The following PCDHA1 variants were observed in gnomAD, a reference collection of about 807,000 sequenced individuals.
The protein encoded by PCDHA1 is protocadherin alpha 1, also known as protocadherin alpha-1.
A neutral mutation model predicts 61.3 loss-of-function variants in PCDHA1; 42 were observed. The ratio of observed to expected loss-of-function variants is 0.69; its 90% CI spans 0.54 to 0.89. The LOEUF (loss-of-function observed/expected upper bound fraction) is 0.89. Among genes scored for constraint, PCDHA1 ranks in the 40% least tolerant of loss-of-function variants. The pLI, the probability that PCDHA1 is intolerant of heterozygous loss-of-function variation, is 0.00. For missense variants in PCDHA1, 1,256 were observed against 1,235.3 expected, an observed-to-expected ratio of 1.02 and a Z score of -0.25; for synonymous variants, 610 against 553.8, an observed-to-expected ratio of 1.10 and a Z score of -1.43.
chr5:140,870,805 C>T, intron 1 of PCDHA1: 4 of 1,613,712 alleles, frequency 2.5e-6, no homozygotes, highest in Non-Finnish European at 3.4e-6. Flanking sequence ...GCTGGCGACT[C>T]AGGCTGGCAG....
intron 1 of PCDHA1, chr5:140,869,694 G>A (rs782372405): frequency 6.2e-7 from 1 of 1,613,394 alleles, no homozygotes; most frequent in Non-Finnish European, 8.5e-7. Flanking sequence ...TTATTTTAAA[G>A]AAGTCTCTGG....
At position 140,787,011 on chromosome 5, in the gene PCDHA1, C is replaced by A. The variant is rs782762735; in HGVS notation, c.721C>A (p.Leu241Met). ...CCTCGACGTTAATGATAACGCCCCACTGTTTGACCAGGCCGTATACAGAGT... is the reference window on the plus strand; with the variant it reads ...CCTCGACGTTAATGATAACGCCCCAATGTTTGACCAGGCCGTATACAGAGT... ...TVLDVNDNAPLFDQAVYRVHL... is the reference protein window; with the variant it reads ...TVLDVNDNAPMFDQAVYRVHL... Residue 241 changes from leucine to methionine, a missense_variant, in exon 1 of 4, where the codon CTG becomes ATG. Physicochemically the swap from Leu to Met is conservative, Grantham distance 15 (BLOSUM62 2). Transcript: ENST00000504120. 5.0e-6 allele frequency: 8 copies of A among 1,614,040 alleles called. No homozygotes were observed. The highest frequency in any genetic ancestry group is 6.8e-6 in the Non-Finnish European group (8 of 1,180,022).
intron 1 of PCDHA1, chr5:140,797,392 C>T (rs1198299170): frequency 1.3e-6 from 2 of 1,577,894 alleles, no homozygotes; most frequent in African/African-American, 2.7e-5. Flanking sequence ...TAAAATTGTT[C>T]TTTTTAAAAA....
chr5:140,858,117 C>A (rs1191323415), intron 1 of PCDHA1: 1 of 1,597,608 alleles, frequency 6.3e-7, no homozygotes, highest in African/African-American at 1.3e-5. Context: ...CCCGAGGTGG[C>A]CCTGGTGGAT....
At chr5:140,978,301 C>T (rs1554239160) in intron 1 of PCDHA1, among the ~76,000 whole-genome samples, 1 of 152,168 alleles carries the variant, frequency 6.6e-6, no homozygotes, top group Admixed American at 6.5e-5. Flanking sequence ...GGAAAGCACT[C>T]AGGAAGGAGC....
In PCDHA1 at chr5:140,902,128, A is replaced by G. The variant is rs140093707; in HGVS notation, c.2395-76821A>G. 5.8e-3 allele frequency among the ~76,000 whole-genome samples: 872 copies of G among 150,980 alleles called. 10 individuals carry two copies. The highest frequency in any genetic ancestry group is 0.019 in the African/African-American group (793 of 41,220). ...ATTTTTTTAAAACTGAGATTATATCATCTGCAAACAAGGATAATTTGATTT... is the reference window on the plus strand; with the variant it reads ...ATTTTTTTAAAACTGAGATTATATCGTCTGCAAACAAGGATAATTTGATTT... On this transcript the variant is annotated intron_variant, in intron 1 of 3. Coordinates refer to ENST00000504120, the MANE Select transcript of PCDHA1 (RefSeq NM_018900.4).
Position 140,786,795 on chromosome 5 carries a change from A to AC in PCDHA1, c.506dup (p.Tyr170ValfsTer7). On this transcript the variant is annotated frameshift_variant, in exon 1 of 4. Coordinates refer to ENST00000504120, the MANE Select transcript of PCDHA1 (RefSeq NM_018900.4). LOFTEE classifies it high-confidence loss of function. Reference sequence around the variant, plus strand: ...AGACATTGGTGCTAACGCTCTTCTAACGTACACGCTCAGCCCGAGTGATTA... The same window carrying AC: ...AGACATTGGTGCTAACGCTCTTCTAACCGTACACGCTCAGCCCGAGTGATTA... 1 of 1,614,238 alleles carries AC rather than the reference A, an allele frequency of 6.2e-7. No individual in the cohort carries two copies. Among genetic ancestry groups the AC allele is most frequent in the South Asian group, 1.1e-5 (1 of 91,090 alleles).
Position 140,892,378 on chromosome 5 carries a change from A to G in PCDHA1, c.2395-86571A>G, listed in dbSNP as rs13360703. 4.7e-3 allele frequency among the ~76,000 whole-genome samples: 722 copies of G among 152,344 alleles called. 7 individuals are homozygous for G. Among genetic ancestry groups the G allele is most frequent in the African/African-American group, 0.016 (672 of 41,584 alleles). On this transcript the variant is annotated intron_variant, in intron 1 of 3. Coordinates refer to ENST00000504120, the MANE Select transcript of PCDHA1 (RefSeq NM_018900.4). Reference sequence around the variant, plus strand: ...CAGGCATCTTGGGGCACTAGCAATCATGGGTAATCTTAATCTATTTCAAGC... The same window carrying G: ...CAGGCATCTTGGGGCACTAGCAATCGTGGGTAATCTTAATCTATTTCAAGC...
At chr5:140,920,136 C>T (rs1554199437) in intron 1 of PCDHA1, among the ~76,000 whole-genome samples, 1 of 152,182 alleles carries the variant, frequency 6.6e-6, no homozygotes, top group African/African-American at 2.4e-5. Flanking sequence ...TTTAATTCTC[C>T]TCTCCAAACC....
chr5:140,897,289 C>T (rs1027792864), intron 1 of PCDHA1, among the ~76,000 whole-genome samples: 2 of 150,912 alleles, frequency 1.3e-5, no homozygotes, highest in Non-Finnish European at 3.0e-5. Flanking sequence ...CCCATTAACT[C>T]GTCATTTAGC....
intron 1 of PCDHA1, chr5:140,883,164 A>G (rs559249411): frequency 1.2e-6 from 2 of 1,614,060 alleles, no homozygotes; most frequent in African/African-American, 1.3e-5. Context: ...AATCCGAACA[A>G]TGGAGAAATT....
intron 1 of PCDHA1, chr5:140,966,989 G>A: frequency 5.0e-6 from 8 of 1,604,148 alleles, no homozygotes; most frequent in Non-Finnish European, 6.8e-6. Context: ...CTTGGGGCCG[G>A]GTTGCTTGCG....
At chr5:140,914,710 G>GT (rs1554196543) in intron 1 of PCDHA1, among the ~76,000 whole-genome samples, 1 of 151,256 alleles carries the variant, frequency 6.6e-6, no homozygotes, top group Non-Finnish European at 1.5e-5. Context: ...TTAATTTCTT[G>GT]TTTTTTATTT....
At chr5:140,979,102 C>G in intron 2 of PCDHA1, 95 bp downstream of exon 2, 1 of 1,541,802 alleles carries the variant, frequency 6.5e-7, no homozygotes. Context: ...GCTGTCAAAA[C>G]TAAAAAGCTT....
At chr5:140,838,145 A>G (rs1356834220) in intron 1 of PCDHA1, among the ~76,000 whole-genome samples, 8 of 118,544 alleles carry the variant, frequency 6.7e-5, no homozygotes, top group Non-Finnish European at 1.1e-4. Flanking sequence ...ACAGAGTTTT[A>G]CTCTGTCGCC....
At chr5:140,938,218 T>A (rs1050033125) in intron 1 of PCDHA1, among the ~76,000 whole-genome samples, 3 of 152,210 alleles carry the variant, frequency 2.0e-5, no homozygotes, top group Admixed American at 2.0e-4. Context: ...AGTGCTGGGA[T>A]TACAGGCATA....
chr5:140,791,411 G>A (rs1442592098), intron 1 of PCDHA1, among the ~76,000 whole-genome samples: 1 of 152,184 alleles, frequency 6.6e-6, no homozygotes, highest in Non-Finnish European at 1.5e-5. Flanking sequence ...GCCAACATGT[G>A]GAGAAAAGCT....
At chr5:140,961,872 G>A (rs2095639337) in intron 1 of PCDHA1, among the ~76,000 whole-genome samples, 1 of 151,532 alleles carries the variant, frequency 6.6e-6, no homozygotes, top group Non-Finnish European at 1.5e-5. Flanking sequence ...ACAGATAATT[G>A]ACTTACTTAC....
In PCDHA1 at chr5:140,967,342, C is replaced by G. The variant is rs149890293; in HGVS notation, c.2395-11607C>G. On this transcript the variant is annotated intron_variant, in intron 1 of 3. Coordinates refer to ENST00000504120, the MANE Select transcript of PCDHA1 (RefSeq NM_018900.4). ...CCTACGAGCTCAGCCCCAGCGAGCACTTCGAGCTGGACCTTAAGCCCCTGC... is the reference window on the plus strand; with the variant it reads ...CCTACGAGCTCAGCCCCAGCGAGCAGTTCGAGCTGGACCTTAAGCCCCTGC... The G allele has an allele frequency of 1.9e-6, 3 of 1,607,992 alleles. No individual in the cohort carries two copies. In the African/African-American group the frequency reaches 4.0e-5, roughly 22 times the overall value.
Sources: gnomAD v4.1 joint callset for allele counts (sites outside exome capture counted in the v4.1 genomes callset) on GRCh38, gnomAD v4.1.1 for gene constraint, MANE v1.5 for transcripts, NCBI Gene and HGNC (gene_info 2026-07-23, HGNC 2026-07-21) for gene names.